The following NFIB variants were observed in gnomAD, a reference collection of about 807,000 sequenced individuals.
NFIB encodes the protein nuclear factor 1 B-type.
NFIB carries 11 observed loss-of-function variants against 61.5 expected under a neutral mutation model. That is an observed-to-expected ratio of 0.18 (90% CI 0.11 to 0.30). The LOEUF (loss-of-function observed/expected upper bound fraction) is 0.30. Among genes scored for constraint, NFIB ranks in the 10% least tolerant of loss-of-function variants. The pLI is 1.00. For missense variants in NFIB, 471 were observed against 608.9 expected, an observed-to-expected ratio of 0.77 and a Z score of 2.38; for synonymous variants, 260 against 216.5, an observed-to-expected ratio of 1.20 and a Z score of -1.76.
At position 14,367,212 on chromosome 9, in the gene NFIB, G is replaced by A. The variant is rs189474175; in HGVS notation, c.108+31312C>T. 4.6e-5 allele frequency among the ~76,000 whole-genome samples: 7 copies of A among 152,172 alleles called. No homozygotes were observed. The East Asian group carries it at 1.4e-3, about 29-fold the overall frequency. ...TGTGCATTCTTTCAAGGAGTGTCAGGTCTACTAGGGGAGACAAACATGTTA... is the reference window on the plus strand; with the variant it reads ...TGTGCATTCTTTCAAGGAGTGTCAGATCTACTAGGGGAGACAAACATGTTA... On this transcript the variant is annotated intron_variant, in intron 1 of 8. Transcript: ENST00000380934.
the NFIB span, among the ~76,000 whole-genome samples, chr9:14,526,289 G>T: frequency 6.6e-6 from 1 of 152,098 alleles, no homozygotes; most frequent in East Asian, 1.9e-4. Flanking sequence ...TGTTATTAAA[G>T]CTGTTTATTA....
the NFIB span, among the ~76,000 whole-genome samples, chr9:14,410,989 G>A: frequency 1.3e-5 from 2 of 152,076 alleles, no homozygotes; most frequent in African/African-American, 4.8e-5. Context: ...TTTTCCCTTG[G>A]AAGAAATATG....
chr9:14,454,846 T>C, the NFIB span, among the ~76,000 whole-genome samples: 2 of 152,178 alleles, frequency 1.3e-5, no homozygotes, highest in Non-Finnish European at 2.9e-5. Context: ...AGCAGAAGCT[T>C]TAAAGGTTTT....
the NFIB span, among the ~76,000 whole-genome samples, chr9:14,467,693 T>C: frequency 6.6e-6 from 1 of 152,254 alleles, no homozygotes; most frequent in Non-Finnish European, 1.5e-5. Context: ...ATTCAATAAA[T>C]ACTTATCAAA....
intron 2 of NFIB, among the ~76,000 whole-genome samples, chr9:14,273,220 A>G (rs1362800154): frequency 6.6e-6 from 1 of 152,114 alleles, no homozygotes; most frequent in Non-Finnish European, 1.5e-5. Context: ...TTTCCCCCTC[A>G]TCAATCCCAA....
the NFIB span, among the ~76,000 whole-genome samples, chr9:14,495,901 T>A: frequency 6.6e-6 from 1 of 152,222 alleles, no homozygotes; most frequent in Non-Finnish European, 1.5e-5. Flanking sequence ...GGTTCTAGGA[T>A]CAACTATCTA....
chr9:14,372,334 C>G (rs991153801), intron 1 of NFIB, among the ~76,000 whole-genome samples: 6 of 152,030 alleles, frequency 3.9e-5, no homozygotes, highest in African/African-American at 1.4e-4. Context: ...CTAATTTTAT[C>G]CATTTTATAA....
At chr9:14,287,727 T>G (rs1407170034) in intron 2 of NFIB, among the ~76,000 whole-genome samples, 1 of 151,998 alleles carries the variant, frequency 6.6e-6, no homozygotes, top group Non-Finnish European at 1.5e-5. Context: ...GCCCACAGTT[T>G]TCATTTTACA....
At chr9:14,284,459 T>C (rs1352109184) in intron 2 of NFIB, among the ~76,000 whole-genome samples, 2 of 152,126 alleles carry the variant, frequency 1.3e-5, no homozygotes, top group Non-Finnish European at 2.9e-5. Flanking sequence ...TGGCGGAATT[T>C]TTGTCCTGCA....
intron 1 of NFIB, among the ~76,000 whole-genome samples, chr9:14,328,207 C>T (rs2060777953): frequency 6.6e-6 from 1 of 152,170 alleles, no homozygotes; most frequent in South Asian, 2.1e-4. Context: ...TGCAGTGGTG[C>T]TATCAGGGCT....
chr9:14,212,789 C>T (rs1439499653), intron 2 of NFIB, among the ~76,000 whole-genome samples: 1 of 152,174 alleles, frequency 6.6e-6, no homozygotes, highest in Non-Finnish European at 1.5e-5. Flanking sequence ...TTACAAAACA[C>T]TTTCACATAA....
At chr9:14,285,852 C>A (rs2058674232) in intron 2 of NFIB, among the ~76,000 whole-genome samples, 1 of 151,844 alleles carries the variant, frequency 6.6e-6, no homozygotes, top group African/African-American at 2.4e-5. Flanking sequence ...CTATGTAAAG[C>A]CTTAACTTGT....
rs2118426312 is a variant in NFIB, at chr9:14,086,773, T to A, written c.*1536A>T. 1 of 209,566 alleles carries A rather than the reference T, an allele frequency of 4.8e-6. No homozygotes were observed. The highest frequency in any genetic ancestry group is 9.7e-6 in the Non-Finnish European group (1 of 103,084). 13.0% of individuals were successfully genotyped at this position (209,566 alleles called of 1,614,324 possible). On this transcript the variant is annotated 3_prime_UTR_variant, in exon 11 of 11. Transcript: ENST00000380953. ...AGTGTAGTGATGTCACTTTGTTGTA[T>A]TTTTTTGTTTTTTTTTTTTTGTTTT... is the stretch of plus-strand genomic sequence containing the variant.
upstream of NFIB, chr9:14,314,175 G>C (rs570195963): frequency 9.1e-5 from 87 of 953,504 alleles, no homozygotes; most frequent in Non-Finnish European, 1.1e-4. Context: ...GGAGAGGGCC[G>C]GGGTGGGGGC....
chr9:14,201,552 C>G (rs1398241271), intron 2 of NFIB, among the ~76,000 whole-genome samples: 1 of 152,158 alleles, frequency 6.6e-6, no homozygotes, highest in African/African-American at 2.4e-5. Flanking sequence ...CCTTATTGCC[C>G]CATCTAATGA....
At chr9:14,392,119 G>C (rs968270476) in intron 1 of NFIB, among the ~76,000 whole-genome samples, 2 of 151,946 alleles carry the variant, frequency 1.3e-5, no homozygotes, top group African/African-American at 4.8e-5. Flanking sequence ...AAACTTACAA[G>C]GTTATCAAAA....
intron 2 of NFIB, among the ~76,000 whole-genome samples, chr9:14,293,924 A>G (rs1443958375): frequency 6.6e-6 from 1 of 152,222 alleles, no homozygotes; most frequent in African/African-American, 2.4e-5. Flanking sequence ...TTGATTCTAA[A>G]TGAATTCCGT....
chr9:14,383,715 T>C (rs1442110772), intron 1 of NFIB, among the ~76,000 whole-genome samples: 1 of 152,260 alleles, frequency 6.6e-6, no homozygotes, highest in African/African-American at 2.4e-5. Flanking sequence ...TTCCTGCACC[T>C]TTCATCATGG....
chr9:14,471,774 G>A, the NFIB span, among the ~76,000 whole-genome samples: 5 of 152,284 alleles, frequency 3.3e-5, no homozygotes, highest in East Asian at 1.9e-4. Flanking sequence ...GCTAATTTGC[G>A]ACAATCAGTC....
Sources: gnomAD v4.1 joint callset for allele counts (sites outside exome capture counted in the v4.1 genomes callset) on GRCh38, gnomAD v4.1.1 for gene constraint, MANE v1.5 for transcripts, NCBI Gene and HGNC (gene_info 2026-07-23, HGNC 2026-07-21) for gene names.